Variants in TAF4B observed in about 807,000 individuals in gnomAD.
The protein encoded by TAF4B is transcription initiation factor TFIID subunit 4B.
In TAF4B, 38 loss-of-function variants were observed where a neutral mutation model predicts 86.4. That is an observed-to-expected ratio of 0.44 (90% confidence interval 0.34 to 0.58). TAF4B has a LOEUF of 0.58. TAF4B is among the 20% of genes least tolerant of loss of function. The pLI, the probability that TAF4B is intolerant of heterozygous loss-of-function variation, is 0.02. For synonymous variants in TAF4B, 388 were observed against 391.2 expected (o/e 0.99, Z 0.10); for missense variants, 988 against 1,027.6 (o/e 0.96, Z 0.53).
At chr18:26,268,459 T>G (rs1052006975) in intron 3 of TAF4B, among the ~76,000 whole-genome samples, 13 of 152,170 alleles carry the variant, frequency 8.5e-5, no homozygotes, top group African/African-American at 3.1e-4. Context: ...TCCCCTCAAC[T>G]ACCAACTATA....
chr18:26,389,255 A>G (rs142472649), intron 14 of TAF4B, among the ~76,000 whole-genome samples: 657 of 152,318 alleles, frequency 4.3e-3, no homozygotes, highest in Non-Finnish European at 7.4e-3. Flanking sequence ...GCAATTTTGT[A>G]TGATAGAAAA....
chr18:26,374,900 G>A (rs959783533), intron 14 of TAF4B, among the ~76,000 whole-genome samples: 4 of 152,104 alleles, frequency 2.6e-5, no homozygotes, highest in African/African-American at 9.7e-5. Context: ...GGCTTATCAG[G>A]TGTGTGCCAA....
chr18:26,299,437 TG>T (rs2056704772), intron 9 of TAF4B, among the ~76,000 whole-genome samples: 3 of 152,204 alleles, frequency 2.0e-5, no homozygotes, highest in Non-Finnish European at 4.4e-5. Flanking sequence ...ATTAATGTTT[TG>T]TAAGGGTTTT....
At chr18:26,279,109 C>A (rs568762331) in intron 5 of TAF4B, among the ~76,000 whole-genome samples, 2 of 152,190 alleles carry the variant, frequency 1.3e-5, no homozygotes, top group Non-Finnish European at 2.9e-5. Flanking sequence ...TGATATGATT[C>A]TATGCCTAGG....
intron 9 of TAF4B, 91 bp downstream of exon 9, chr18:26,293,622 T>C (rs1358381748): frequency 4.3e-6 from 3 of 701,406 alleles, no homozygotes; most frequent in Admixed American, 7.2e-5. Flanking sequence ...AAAATAGATA[T>C]ACTGATGCCT....
At chr18:26,361,065 AT>A (rs1348867289) in intron 14 of TAF4B, among the ~76,000 whole-genome samples, 1 of 152,114 alleles carries the variant, frequency 6.6e-6, no homozygotes, top group Admixed American at 6.5e-5. Flanking sequence ...CTATTTACAT[AT>A]TAGTATCAAA....
Position 26,292,231 on chromosome 18 carries a change from T to C in TAF4B, c.1591-15T>C, listed in dbSNP as rs1403524919. 8.7e-6 allele frequency: 14 copies of C among 1,611,828 alleles called. No individual in the cohort carries two copies. On this transcript the variant is annotated splice_polypyrimidine_tract_variant and intron_variant, in intron 7 of 14. Transcript: ENST00000269142. ...TTAAGTTGAACAACTATATTGATAG[T>C]TCTCATTGTTTCAGGTAGTTCAGCA...
rs148306767 is a variant in TAF4B, at chr18:26,309,008, A to G, written c.1833-6221A>G. ...TAGTATACTATAGATCAGCAGTCTC[A>G]GAGTTACCCAGGGAATTTGTTAAAA... On this transcript the variant is annotated intron_variant, in intron 9 of 14. Coordinates refer to ENST00000269142, the MANE Select transcript of TAF4B (RefSeq NM_005640.3). Among the ~76,000 whole-genome samples, 7 of 152,164 alleles carry G rather than the reference A, an allele frequency of 4.6e-5. No individual in the cohort carries two copies. The East Asian group carries it at 1.4e-3, about 29-fold the overall frequency.
intron 14 of TAF4B, among the ~76,000 whole-genome samples, chr18:26,361,418 T>G (rs1307180067): frequency 6.6e-6 from 1 of 151,400 alleles, no homozygotes; most frequent in Non-Finnish European, 1.5e-5. Flanking sequence ...AGCCACACTC[T>G]TGGCCCCAAA....
intron 1 of TAF4B, chr18:26,255,633 T>C: frequency 1.2e-6 from 1 of 830,188 alleles, no homozygotes; most frequent in African/African-American, 2.1e-5. Context: ...GTCAGTTTGT[T>C]GCTTTGTGGT....
At chr18:26,353,636 CT>C (rs2057262654) in intron 13 of TAF4B, among the ~76,000 whole-genome samples, 1 of 152,156 alleles carries the variant, frequency 6.6e-6, no homozygotes, top group South Asian at 2.1e-4. Flanking sequence ...AAAAACCCTC[CT>C]AATATCGTTT....
At chr18:26,262,187 C>T (rs1375169282) in intron 1 of TAF4B, among the ~76,000 whole-genome samples, 3 of 148,390 alleles carry the variant, frequency 2.0e-5, no homozygotes, top group Non-Finnish European at 3.0e-5. Context: ...TTATCCTCTT[C>T]AATATGTAGC....
chr18:26,361,312 C>T (rs1280862909), intron 14 of TAF4B, among the ~76,000 whole-genome samples: 1 of 136,668 alleles, frequency 7.3e-6, no homozygotes, highest in Non-Finnish European at 1.5e-5. Flanking sequence ...TTTTTAGAGA[C>T]AAGGGTCTCA....
At chr18:26,325,638 A>G (rs1242444993) in intron 11 of TAF4B, among the ~76,000 whole-genome samples, 6 of 152,118 alleles carry the variant, frequency 3.9e-5, no homozygotes, top group Admixed American at 3.3e-4. Context: ...TTAATTTAGT[A>G]TTTGCTGTCC....
intron 9 of TAF4B, among the ~76,000 whole-genome samples, chr18:26,294,163 G>C (rs1303782858): frequency 6.6e-6 from 1 of 152,024 alleles, no homozygotes; most frequent in African/African-American, 2.4e-5. Context: ...GAGTCATTAG[G>C]TAAGTGTGAA....
At chr18:26,257,980 G>A (rs1000575120) in intron 1 of TAF4B, among the ~76,000 whole-genome samples, 4 of 152,126 alleles carry the variant, frequency 2.6e-5, no homozygotes, top group African/African-American at 9.7e-5. Context: ...CTGAGGCTGG[G>A]TGTGGTGGCT....
chr18:26,380,305 G>T (rs750724573), intron 14 of TAF4B, among the ~76,000 whole-genome samples: 1 of 152,014 alleles, frequency 6.6e-6, no homozygotes, highest in Non-Finnish European at 1.5e-5. Flanking sequence ...AATTCCATTT[G>T]TTTTCTACTT....
At chr18:26,317,018 C>T (rs1384577734) in intron 10 of TAF4B, among the ~76,000 whole-genome samples, 1 of 143,144 alleles carries the variant, frequency 7.0e-6, no homozygotes, top group Non-Finnish European at 1.5e-5. Context: ...CGGTCACCCT[C>T]CCTTCCGATT....
At chr18:26,298,115 C>T (rs1191987721) in intron 9 of TAF4B, among the ~76,000 whole-genome samples, 2 of 145,286 alleles carry the variant, frequency 1.4e-5, no homozygotes, top group African/African-American at 5.1e-5. Context: ...TTGCATTTCC[C>T]TAGTGACTAA....
Sources: allele counts gnomAD v4.1 joint callset (sites outside exome capture counted in the v4.1 genomes callset), GRCh38; gene constraint gnomAD v4.1.1; transcripts MANE v1.5; gene names NCBI Gene and HGNC (gene_info 2026-07-23, HGNC 2026-07-21).